Variants in AGBL1 observed in about 807,000 individuals in gnomAD.
AGBL1 encodes the protein AGBL carboxypeptidase 1, also known as cytosolic carboxypeptidase 4.
AGBL1 carries 130 observed loss-of-function variants against 118.9 expected under a neutral mutation model. That is an observed-to-expected ratio of 1.09 (90% CI 0.95 to 1.26). The LOEUF (loss-of-function observed/expected upper bound fraction) is 1.26, where lower values mean the gene tolerates loss of function less well. Ranked by LOEUF, AGBL1 falls within the 50% of genes most tolerant of loss-of-function variation. The probability of loss-of-function intolerance (pLI) is 0.00; values close to 1 mark genes in which losing one functional copy is unlikely to be tolerated. For synonymous variants in AGBL1, 555 were observed against 478.9 expected, an observed-to-expected ratio of 1.16 and a Z score of -2.08; for missense variants, 1,584 against 1,298.1, an observed-to-expected ratio of 1.22 and a Z score of -3.38.
At chr15:86,365,016 C>CAAAT (rs1183004112) in intron 17 of AGBL1, among the ~76,000 whole-genome samples, 1 of 121,992 alleles carries the variant, frequency 8.2e-6, no homozygotes, top group Non-Finnish European at 1.7e-5. Context: ...TATACACACA[C>CAAAT]ATATATATAT....
chr15:86,714,088 A>T (rs2086601987), intron 22 of AGBL1, among the ~76,000 whole-genome samples: 1 of 152,124 alleles, frequency 6.6e-6, no homozygotes, highest in Non-Finnish European at 1.5e-5. Flanking sequence ...GAGGCATAGG[A>T]GTTATAAATA....
At chr15:87,013,738 G>A (rs1298103597) in intron 24 of AGBL1, among the ~76,000 whole-genome samples, 2 of 152,046 alleles carry the variant, frequency 1.3e-5, no homozygotes, top group Admixed American at 1.3e-4. Context: ...AATTTGGAGG[G>A]GAGAATATTG....
chr15:86,369,698 G>A (rs894774360), intron 17 of AGBL1, among the ~76,000 whole-genome samples: 2 of 151,978 alleles, frequency 1.3e-5, no homozygotes, highest in Non-Finnish European at 2.9e-5. Context: ...CCTCAGAGAA[G>A]GTTTGCAGAT....
intron 5 of AGBL1, among the ~76,000 whole-genome samples, chr15:86,205,105 T>G (rs2077970311): frequency 6.6e-6 from 1 of 152,214 alleles, no homozygotes; most frequent in African/African-American, 2.4e-5. Context: ...TTTATTATGT[T>G]GGGGGTAATG....
At chr15:86,099,389 T>C (rs1896573529) in intron 1 of AGBL1, among the ~76,000 whole-genome samples, 1 of 152,130 alleles carries the variant, frequency 6.6e-6, no homozygotes, top group Admixed American at 6.6e-5. Flanking sequence ...ATGCTACCGA[T>C]TTTTTGTGTT....
At chr15:86,220,124 T>C (rs1310094956) in intron 5 of AGBL1, among the ~76,000 whole-genome samples, 1 of 151,996 alleles carries the variant, frequency 6.6e-6, no homozygotes, top group Non-Finnish European at 1.5e-5. Flanking sequence ...GCTAATTTTT[T>C]GTAGTTTTTA....
chr15:86,760,037 G>A (rs2078001867), intron 22 of AGBL1, among the ~76,000 whole-genome samples: 1 of 152,016 alleles, frequency 6.6e-6, no homozygotes, highest in Non-Finnish European at 1.5e-5. Context: ...CTGGGACAAG[G>A]TAATGACTTC....
At chr15:86,710,892 T>C (rs936670122) in intron 22 of AGBL1, among the ~76,000 whole-genome samples, 2 of 152,170 alleles carry the variant, frequency 1.3e-5, no homozygotes, top group Non-Finnish European at 1.5e-5. Context: ...CTTTGAAACC[T>C]CAAATTTTGG....
At chr15:86,534,501 G>A (rs2083396610) in intron 19 of AGBL1, among the ~76,000 whole-genome samples, 1 of 152,182 alleles carries the variant, frequency 6.6e-6, no homozygotes, top group African/African-American at 2.4e-5. Flanking sequence ...CAAAGGAAAA[G>A]AAGCTTCTCA....
At chr15:86,558,190 A>G (rs2083762200) in intron 21 of AGBL1, among the ~76,000 whole-genome samples, 4 of 152,168 alleles carry the variant, frequency 2.6e-5, no homozygotes, top group African/African-American at 2.4e-5. Flanking sequence ...TACGTAGTAG[A>G]TGCTGCGGTC....
intron 21 of AGBL1, among the ~76,000 whole-genome samples, chr15:86,591,772 G>A (rs1402558132): frequency 6.6e-6 from 1 of 152,020 alleles, no homozygotes; most frequent in Non-Finnish European, 1.5e-5. Flanking sequence ...TAAACCATTA[G>A]TCACTGTTGA....
At chr15:86,270,149 G>A (rs1026208923) in intron 14 of AGBL1, 82 bp downstream of exon 14, 1 of 1,510,830 alleles carries the variant, frequency 6.6e-7, no homozygotes, top group African/African-American at 1.4e-5. Flanking sequence ...AAGAGCCTTT[G>A]CTTGGGTTCA....
At chr15:86,192,950 A>G (rs972016373) in intron 5 of AGBL1, among the ~76,000 whole-genome samples, 1 of 152,214 alleles carries the variant, frequency 6.6e-6, no homozygotes, top group Non-Finnish European at 1.5e-5. Flanking sequence ...TTGAAAGCAC[A>G]CATAAGCACC....
At chr15:86,635,761 C>T (rs537963562) in intron 21 of AGBL1, among the ~76,000 whole-genome samples, 203 of 152,184 alleles carry the variant, frequency 1.3e-3, no homozygotes, top group African/African-American at 4.6e-3. Context: ...AGATATCACC[C>T]ATCACATAGG....
chr15:86,684,433 C>A (rs1333787306), intron 22 of AGBL1, among the ~76,000 whole-genome samples: 1 of 151,536 alleles, frequency 6.6e-6, no homozygotes, highest in Admixed American at 6.6e-5. Flanking sequence ...ATGAAGTCCT[C>A]ACTTTAGTTA....
intron 23 of AGBL1, among the ~76,000 whole-genome samples, chr15:86,974,463 AAC>A (rs2081149758): frequency 7.5e-6 from 1 of 133,678 alleles, no homozygotes; most frequent in African/African-American, 2.9e-5. Flanking sequence ...ATTGAATATA[AAC>A]ATATTTTATA....
intron 18 of AGBL1, among the ~76,000 whole-genome samples, chr15:86,469,823 G>A (rs1250520034): frequency 2.6e-5 from 4 of 152,084 alleles, no homozygotes; most frequent in African/African-American, 9.7e-5. Context: ...TTTCCCAGAT[G>A]ATTAGTGAAG....
At chr15:86,525,622 T>C (rs2083253041) in intron 19 of AGBL1, among the ~76,000 whole-genome samples, 2 of 151,898 alleles carry the variant, frequency 1.3e-5, no homozygotes, top group South Asian at 4.2e-4. Flanking sequence ...AGAAAAAATA[T>C]ATATTCAGTA....
chr15:86,645,729 A>C (rs889436760), intron 21 of AGBL1, among the ~76,000 whole-genome samples: 1 of 152,242 alleles, frequency 6.6e-6, no homozygotes, highest in South Asian at 2.1e-4. Flanking sequence ...AAGGAGGTCA[A>C]GTACTCAGTC....
Sources: gnomAD v4.1 joint callset for allele counts (sites outside exome capture counted in the v4.1 genomes callset) on GRCh38, gnomAD v4.1.1 for gene constraint, MANE v1.5 for transcripts, NCBI Gene and HGNC (gene_info 2026-07-23, HGNC 2026-07-21) for gene names.